Variants in CTNNA3 observed in about 807,000 individuals in gnomAD.
CTNNA3 encodes catenin alpha 3.
CTNNA3 carries 76 observed loss-of-function variants against 95.7 expected under a neutral mutation model. The ratio of observed to expected loss-of-function variants is 0.79; its 90% CI spans 0.66 to 0.96. The LOEUF (loss-of-function observed/expected upper bound fraction) is 0.96, where lower values mean the gene tolerates loss of function less well. Ranked by LOEUF, CTNNA3 falls within the 40% of genes least tolerant of loss-of-function variation. The probability of loss-of-function intolerance (pLI) is 0.00; values close to 1 mark genes in which losing one functional copy is unlikely to be tolerated. For synonymous variants in CTNNA3, 431 were observed against 374.4 expected (o/e 1.15, Z -1.74); for missense variants, 1,191 against 1,089.8 (o/e 1.09, Z -1.31).
chr10:66,230,389 G>A (rs1300932192), intron 13 of CTNNA3, among the ~76,000 whole-genome samples: 4 of 151,888 alleles, frequency 2.6e-5, no homozygotes, highest in Non-Finnish European at 5.9e-5. Flanking sequence ...ATGTGGGTTG[G>A]ATAGAGTGCT....
chr10:66,398,009 T>A (rs1293698971), intron 11 of CTNNA3, among the ~76,000 whole-genome samples: 2 of 151,906 alleles, frequency 1.3e-5, no homozygotes, highest in East Asian at 3.9e-4. Context: ...GACAAGTAAT[T>A]GACTTACTGT....
At chr10:66,132,036 C>T (rs1456050549) in intron 13 of CTNNA3, among the ~76,000 whole-genome samples, 6 of 152,004 alleles carry the variant, frequency 3.9e-5, no homozygotes. Flanking sequence ...GCAACAAAAG[C>T]AAAAATTGAC....
chr10:66,178,411 A>G (rs1286047752), intron 13 of CTNNA3, among the ~76,000 whole-genome samples: 26 of 43,204 alleles, frequency 6.0e-4, no homozygotes, highest in Admixed American at 1.9e-3. Flanking sequence ...ATATATATAT[A>G]TATATATATA....
chr10:67,398,898 T>A (rs1449185148), intron 5 of CTNNA3, among the ~76,000 whole-genome samples: 1 of 152,190 alleles, frequency 6.6e-6, no homozygotes, highest in Non-Finnish European at 1.5e-5. Context: ...TCTGCCATGA[T>A]TGTAAGTTTC....
chr10:66,518,667 T>A (rs1435188119), intron 11 of CTNNA3, among the ~76,000 whole-genome samples: 1 of 151,980 alleles, frequency 6.6e-6, no homozygotes, highest in Non-Finnish European at 1.5e-5. Flanking sequence ...CAGCCAAATA[T>A]GTGTAAAAAG....
At chr10:66,604,364 ATG>A (rs1313067668) in intron 10 of CTNNA3, among the ~76,000 whole-genome samples, 1 of 152,148 alleles carries the variant, frequency 6.6e-6, no homozygotes, top group African/African-American at 2.4e-5. Flanking sequence ...CCCCTGACTC[ATG>A]CTGCCTCCAC....
chr10:66,314,702 T>C (rs916127015), intron 12 of CTNNA3, among the ~76,000 whole-genome samples: 3 of 152,108 alleles, frequency 2.0e-5, no homozygotes, highest in Non-Finnish European at 4.4e-5. Flanking sequence ...TCACAGGTAC[T>C]AACATTTCAA....
intron 5 of CTNNA3, among the ~76,000 whole-genome samples, chr10:67,337,752 C>A (rs1477530515): frequency 6.6e-6 from 1 of 152,130 alleles, no homozygotes; most frequent in Non-Finnish European, 1.5e-5. Flanking sequence ...TGAGGTAAGA[C>A]CCTTCACTAG....
intron 13 of CTNNA3, among the ~76,000 whole-genome samples, chr10:66,241,110 CACAA>C (rs1394628592): frequency 1.3e-5 from 2 of 151,364 alleles, no homozygotes; most frequent in East Asian, 3.9e-4. Flanking sequence ...CCAGAACAAC[CACAA>C]ACAAACAAAA....
intron 14 of CTNNA3, among the ~76,000 whole-genome samples, chr10:66,075,030 C>T (rs10822703): frequency 0.17 from 25,782 of 151,600 alleles, 2,508 homozygotes; most frequent in South Asian, 0.35. Context: ...AAGCTTTTGC[C>T]TCTACACAGA....
At chr10:66,189,336 G>GT (rs1297022733) in intron 13 of CTNNA3, among the ~76,000 whole-genome samples, 3 of 150,276 alleles carry the variant, frequency 2.0e-5, no homozygotes, top group African/African-American at 7.3e-5. Flanking sequence ...TTCTCTAGGA[G>GT]TTTTTCAGTT....
At chr10:67,632,985 C>T (rs563852468) in intron 2 of CTNNA3, among the ~76,000 whole-genome samples, 195 of 152,314 alleles carry the variant, frequency 1.3e-3, no homozygotes, top group African/African-American at 4.5e-3. Flanking sequence ...GACCAAGTTC[C>T]TTGCGGGAGG....
At chr10:66,887,721 T>C (rs1845097914) in intron 7 of CTNNA3, among the ~76,000 whole-genome samples, 1 of 152,172 alleles carries the variant, frequency 6.6e-6, no homozygotes, top group Non-Finnish European at 1.5e-5. Context: ...CCTATGGGTT[T>C]AATCTGACTT....
At chr10:66,264,383 A>T (rs146512255) in intron 13 of CTNNA3, among the ~76,000 whole-genome samples, 3 of 152,064 alleles carry the variant, frequency 2.0e-5, no homozygotes, top group African/African-American at 7.2e-5. Context: ...GAATTTGTTT[A>T]CCTCTTCTGC....
chr10:67,135,710 T>G (rs1012928195), intron 7 of CTNNA3, among the ~76,000 whole-genome samples: 1 of 151,936 alleles, frequency 6.6e-6, no homozygotes, highest in Non-Finnish European at 1.5e-5. Flanking sequence ...TGGATGTACA[T>G]GTTTTGGAAG....
At chr10:66,806,837 C>CAT (rs1841670715) in intron 7 of CTNNA3, among the ~76,000 whole-genome samples, 1 of 147,390 alleles carries the variant, frequency 6.8e-6, no homozygotes, top group Non-Finnish European at 1.5e-5. Context: ...TATAAACATA[C>CAT]ATATATATAT....
intron 11 of CTNNA3, among the ~76,000 whole-genome samples, chr10:66,461,861 G>A (rs1179918635): frequency 6.7e-6 from 1 of 148,328 alleles, no homozygotes; most frequent in Non-Finnish European, 1.5e-5. Flanking sequence ...CACCCAGGCT[G>A]GAGTACAGTG....
At chr10:67,180,549 G>A (rs1287544722) in intron 6 of CTNNA3, 29 bp from the exon 7 acceptor site, 1 of 1,529,104 alleles carries the variant, frequency 6.5e-7, no homozygotes, top group Non-Finnish European at 9.1e-7. Flanking sequence ...TGTATGGTTA[G>A]AGCTCCATGG....
At chr10:66,219,893 G>T (rs899500096) in intron 13 of CTNNA3, among the ~76,000 whole-genome samples, 3 of 152,140 alleles carry the variant, frequency 2.0e-5, no homozygotes, top group Admixed American at 1.3e-4. Context: ...GGAGGCTGAG[G>T]CGGGCGGCTC....
Sources: gnomAD v4.1 joint callset for allele counts (sites outside exome capture counted in the v4.1 genomes callset) on GRCh38, gnomAD v4.1.1 for gene constraint, MANE v1.5 for transcripts, NCBI Gene and HGNC (gene_info 2026-07-23, HGNC 2026-07-21) for gene names.